GAREM1: variants seen among roughly 807,000 people sequenced by gnomAD.
GAREM1 encodes GRB2-associated and regulator of MAPK protein 1.
Under a neutral mutation model 71.3 loss-of-function variants are expected in GAREM1, and 26 were observed. That is an observed-to-expected ratio of 0.36 (90% CI 0.27 to 0.51). The LOEUF is 0.51. GAREM1 is among the 20% of genes least tolerant of loss of function. The pLI, the probability that GAREM1 is intolerant of heterozygous loss-of-function variation, is 0.95. For synonymous variants in GAREM1, 440 were observed against 433.2 expected (o/e 1.02, Z -0.20); for missense variants, 1,026 against 1,103.1 (o/e 0.93, Z 0.99).
intron 1 of GAREM1, among the ~76,000 whole-genome samples, chr18:32,394,761 T>C (rs2048234542): frequency 6.6e-6 from 1 of 152,194 alleles, no homozygotes. Flanking sequence ...CTGCTGAGCA[T>C]ATGCACAGTA....
chr18:32,439,885 TAGTGAATGAA>T (rs539979267), intron 1 of GAREM1, among the ~76,000 whole-genome samples: 154 of 152,296 alleles, frequency 1.0e-3, no homozygotes, highest in African/African-American at 3.4e-3. Context: ...GTGACAGTTC[TAGTGAATGAA>T]GGTGAATGAA....
intron 2 of GAREM1, among the ~76,000 whole-genome samples, chr18:32,336,783 G>A (rs1009900421): frequency 6.6e-6 from 1 of 152,172 alleles, no homozygotes. Context: ...AGCTTGAATC[G>A]GAACAAGCAT....
At chr18:32,313,216 T>C (rs2047341195) in intron 2 of GAREM1, among the ~76,000 whole-genome samples, 1 of 152,062 alleles carries the variant, frequency 6.6e-6, no homozygotes, top group Non-Finnish European at 1.5e-5. Context: ...GGAGCAATTA[T>C]GCCACCTGAA....
intron 1 of GAREM1, among the ~76,000 whole-genome samples, chr18:32,436,053 C>T (rs1187387858): frequency 6.6e-6 from 1 of 151,954 alleles, no homozygotes; most frequent in Non-Finnish European, 1.5e-5. Context: ...TGATAAAGGG[C>T]AAAACTTAGA....
intron 1 of GAREM1, among the ~76,000 whole-genome samples, chr18:32,438,980 A>G (rs551924391): frequency 5.5e-4 from 84 of 152,300 alleles, no homozygotes; most frequent in African/African-American, 1.9e-3. Flanking sequence ...TCATTTCAGT[A>G]AGGACTCTGG....
chr18:32,402,821 AG>A (rs1303900770), intron 1 of GAREM1, among the ~76,000 whole-genome samples: 5 of 152,096 alleles, frequency 3.3e-5, no homozygotes, highest in African/African-American at 4.8e-5. Flanking sequence ...ACACTTACTG[AG>A]GGTCAATTAT....
At chr18:32,401,673 G>C (rs549931662) in intron 1 of GAREM1, among the ~76,000 whole-genome samples, 6 of 152,224 alleles carry the variant, frequency 3.9e-5, no homozygotes, top group Non-Finnish European at 7.3e-5. Context: ...AGATGGATTG[G>C]AGAAGAGAGA....
intron 2 of GAREM1, among the ~76,000 whole-genome samples, chr18:32,314,090 G>GTTTT (rs59416892): frequency 1.4e-5 from 2 of 141,938 alleles, no homozygotes; most frequent in African/African-American, 5.2e-5. Flanking sequence ...GACAAAAAAA[G>GTTTT]TTTTTTTTTT....
chr18:32,333,299 C>A (rs1226389704), intron 2 of GAREM1, among the ~76,000 whole-genome samples: 1 of 151,400 alleles, frequency 6.6e-6, no homozygotes, highest in African/African-American at 2.4e-5. Context: ...GTGGATGGAC[C>A]AAAAAAAGAG....
At chr18:32,402,474 A>G (rs1283391690) in intron 1 of GAREM1, among the ~76,000 whole-genome samples, 1 of 151,966 alleles carries the variant, frequency 6.6e-6, no homozygotes, top group East Asian at 1.9e-4. Flanking sequence ...ACATGCACAA[A>G]TGGGTAATTC....
At chr18:32,429,796 A>G (rs10468904) in intron 1 of GAREM1, among the ~76,000 whole-genome samples, 37,531 of 152,128 alleles carry the variant, frequency 0.25, 5,721 homozygotes, top group African/African-American at 0.42. Context: ...TCTATCTCAC[A>G]CCTTCCTGGT....
chr18:32,353,230 CAT>C (rs1430959097), intron 2 of GAREM1, among the ~76,000 whole-genome samples: 5 of 152,162 alleles, frequency 3.3e-5, no homozygotes, highest in African/African-American at 1.2e-4. Context: ...AAGTCAGAAA[CAT>C]ATTTTTCAAC....
intron 1 of GAREM1, among the ~76,000 whole-genome samples, chr18:32,399,276 C>A (rs569104697): frequency 1.4e-4 from 21 of 152,232 alleles, no homozygotes; most frequent in African/African-American, 3.6e-4. Context: ...CAGGGATGCC[C>A]TCTCTCACCA....
At chr18:32,358,282 A>C (rs2047825617) in intron 2 of GAREM1, among the ~76,000 whole-genome samples, 1 of 151,938 alleles carries the variant, frequency 6.6e-6, no homozygotes, top group South Asian at 2.1e-4. Flanking sequence ...CCAATGAGAT[A>C]TGCCCCCTGC....
At chr18:32,356,988 C>T (rs1208472574) in intron 2 of GAREM1, among the ~76,000 whole-genome samples, 1 of 152,134 alleles carries the variant, frequency 6.6e-6, no homozygotes, top group Non-Finnish European at 1.5e-5. Context: ...TTCTCTGGCC[C>T]CACAGCCTTC....
At chr18:32,430,110 G>T (rs1485369889) in intron 1 of GAREM1, among the ~76,000 whole-genome samples, 1 of 152,136 alleles carries the variant, frequency 6.6e-6, no homozygotes, top group African/African-American at 2.4e-5. Context: ...GTAAGTGGAA[G>T]AAACAATTAA....
In GAREM1 at chr18:32,287,500, T is replaced by C; in HGVS notation, c.1097A>G (p.Asn366Ser). 6.2e-7 allele frequency: 1 copy of C among 1,614,204 alleles called. No homozygotes were observed. The highest frequency in any genetic ancestry group is 1.6e-4 in the Middle Eastern group (1 of 6,062). The change falls in exon 4 of 6, where the codon AAC (asparagine) becomes AGC (serine). Residue 366 changes from asparagine (N) to serine (S), a missense_variant. By Grantham distance (46) the Asn-to-Ser change is conservative. This residue lies in a region of GAREM1 where 636 missense variants were observed against 631.2 expected (regional missense o/e 1.01). Transcript: ENST00000269209. The surrounding 1 kb of genome is among the most constrained non-coding windows in gnomAD (Gnocchi z 5.9). ...SPKKGRCSGHNHVPNSLSYAR... is the reference protein window; with the variant it reads ...SPKKGRCSGHSHVPNSLSYAR... ...GTAGCTGAGCGAATTGGGCACGTGG[T>C]TGTGGCCAGAGCACCGACCCTTCTT...
intron 2 of GAREM1, among the ~76,000 whole-genome samples, chr18:32,339,065 C>G (rs927865793): frequency 2.0e-5 from 3 of 152,252 alleles, no homozygotes; most frequent in African/African-American, 7.2e-5. Context: ...GGACTTGTAC[C>G]TCTATAACTG....
chr18:32,286,864 C>A (rs1403480583), intron 4 of GAREM1, among the ~76,000 whole-genome samples, 167 bp downstream of exon 4: 3 of 152,184 alleles, frequency 2.0e-5, no homozygotes, highest in East Asian at 3.8e-4. Flanking sequence ...AACTCTAATT[C>A]CTAAATGGTC....
Sources: gnomAD v4.1 joint callset for allele counts (sites outside exome capture counted in the v4.1 genomes callset) on GRCh38, gnomAD v4.1.1 for gene constraint, gnomAD v4.1.1 regional missense constraint, Gnocchi (gnomAD v3.1) non-coding constraint, MANE v1.5 for transcripts, NCBI Gene and HGNC (gene_info 2026-07-23, HGNC 2026-07-21) for gene names.